Variants in ZEB1 observed in about 807,000 individuals in gnomAD.
The protein encoded by ZEB1 is zinc finger E-box binding homeobox 1, also known as zinc finger E-box-binding homeobox 1.
Under a neutral mutation model 84.9 loss-of-function variants are expected in ZEB1, and 21 were observed. That is an observed-to-expected ratio of 0.25 (90% confidence interval 0.18 to 0.36). The LOEUF is 0.36. Ranked by LOEUF, ZEB1 falls within the 10% of genes least tolerant of loss-of-function variation. The pLI is 1.00. For synonymous variants in ZEB1, 420 were observed against 471.1 expected, an observed-to-expected ratio of 0.89 and a Z score of 1.41; for missense variants, 1,104 against 1,330.2, an observed-to-expected ratio of 0.83 and a Z score of 2.65.
intron 1 of ZEB1, among the ~76,000 whole-genome samples, chr10:31,342,964 G>GT (rs1249802751): frequency 6.6e-6 from 1 of 152,212 alleles, no homozygotes; most frequent in Admixed American, 6.5e-5. Flanking sequence ...CAAAATTTTT[G>GT]TTTGTGTTTG....
chr10:31,469,897 C>A (rs2062970820), intron 2 of ZEB1, among the ~76,000 whole-genome samples: 1 of 152,182 alleles, frequency 6.6e-6, no homozygotes, highest in Non-Finnish European at 1.5e-5. Context: ...TCAAGTGGGT[C>A]CCTGACCCCT....
intron 1 of ZEB1, among the ~76,000 whole-genome samples, chr10:31,407,554 A>C (rs1312022439): frequency 6.6e-6 from 1 of 152,058 alleles, no homozygotes. Flanking sequence ...CGCAATAAAC[A>C]TACGTGTGCA....
At chr10:31,510,410 G>A (rs1215560410) in intron 4 of ZEB1, among the ~76,000 whole-genome samples, 1 of 152,096 alleles carries the variant, frequency 6.6e-6, no homozygotes, top group Non-Finnish European at 1.5e-5. Flanking sequence ...AAAAAGAATG[G>A]GACTTGAAGG....
chr10:31,326,694 T>C (rs1357343081), intron 1 of ZEB1, among the ~76,000 whole-genome samples: 1 of 152,184 alleles, frequency 6.6e-6, no homozygotes, highest in East Asian at 1.9e-4. Flanking sequence ...TCTAAGACGG[T>C]AACAAGCAAG....
chr10:31,527,288 A>G lies in ZEB1; in HGVS notation c.*24A>G. The G allele has an allele frequency of 1.3e-6, 2 of 1,578,568 alleles. No homozygotes were observed. The highest frequency in any genetic ancestry group is 8.6e-7 in the Non-Finnish European group (1 of 1,165,922). On this transcript the variant is annotated 3_prime_UTR_variant, in exon 9 of 9. Transcript: ENST00000424869. ...AATCGTTTTTCTAGAAGGAAAATAA[A>G]TTCTAATTGATAATGAATTTCGTTC... is the stretch of plus-strand genomic sequence containing the variant.
chr10:31,389,244 G>A (rs1344900629), intron 1 of ZEB1, among the ~76,000 whole-genome samples: 1 of 152,066 alleles, frequency 6.6e-6, no homozygotes, highest in African/African-American at 2.4e-5. Flanking sequence ...GTTGTTCTAT[G>A]ATTTTGATCA....
chr10:31,449,508 G>C (rs539034204), intron 1 of ZEB1, among the ~76,000 whole-genome samples: 1 of 152,018 alleles, frequency 6.6e-6, no homozygotes, highest in South Asian at 2.1e-4. Flanking sequence ...GATTTCGTGT[G>C]GGTTTCATTT....
intron 4 of ZEB1, among the ~76,000 whole-genome samples, chr10:31,503,748 A>C (rs1263256281): frequency 6.6e-6 from 1 of 151,644 alleles, no homozygotes; most frequent in African/African-American, 2.4e-5. Context: ...TTTGTCTTTA[A>C]TAGCAATACT....
At chr10:31,523,583 T>G (rs974454629) in intron 7 of ZEB1, among the ~76,000 whole-genome samples, 2 of 152,370 alleles carry the variant, frequency 1.3e-5, no homozygotes, top group African/African-American at 4.8e-5. Context: ...TTCTGCAAAT[T>G]TCTCGTAAAG....
intron 1 of ZEB1, among the ~76,000 whole-genome samples, chr10:31,326,419 G>C (rs1177522445): frequency 6.6e-6 from 1 of 152,022 alleles, no homozygotes; most frequent in African/African-American, 2.4e-5. Flanking sequence ...TGCTTTATTT[G>C]GGAGGGAGAA....
At chr10:31,495,529 G>A (rs946066603) in intron 2 of ZEB1, among the ~76,000 whole-genome samples, 1 of 151,866 alleles carries the variant, frequency 6.6e-6, no homozygotes, top group African/African-American at 2.4e-5. Flanking sequence ...AATATAATCT[G>A]TACTGAAAGT....
At chr10:31,343,094 C>G (rs1434779681) in intron 1 of ZEB1, among the ~76,000 whole-genome samples, 1 of 152,122 alleles carries the variant, frequency 6.6e-6, no homozygotes, top group Non-Finnish European at 1.5e-5. Flanking sequence ...TGCATTTATT[C>G]TCAGTTTCCT....
chr10:31,480,896 AT>A (rs1278542677), intron 2 of ZEB1, among the ~76,000 whole-genome samples: 1 of 151,908 alleles, frequency 6.6e-6, no homozygotes, highest in East Asian at 1.9e-4. Context: ...TTGGTATTGT[AT>A]TTTTCATTCT....
intron 2 of ZEB1, among the ~76,000 whole-genome samples, chr10:31,470,929 AT>A (rs2063153934): frequency 7.2e-6 from 1 of 138,306 alleles, no homozygotes; most frequent in Non-Finnish European, 1.6e-5. Flanking sequence ...AAAGAAAAGA[AT>A]TTTCAACCCA....
At chr10:31,411,525 G>A (rs1020600689) in intron 1 of ZEB1, among the ~76,000 whole-genome samples, 6 of 151,840 alleles carry the variant, frequency 4.0e-5, no homozygotes, top group South Asian at 2.1e-4. Flanking sequence ...CCAGCTACTC[G>A]GGAGGCTGAT....
intron 1 of ZEB1, chr10:31,361,255 C>G: frequency 1.3e-6 from 2 of 1,586,672 alleles, no homozygotes; most frequent in South Asian, 2.2e-5. Flanking sequence ...TGCAGTGGTG[C>G]GATCTCGGCT....
chr10:31,336,014 G>A (rs1590052631), intron 1 of ZEB1, among the ~76,000 whole-genome samples: 2 of 152,002 alleles, frequency 1.3e-5, no homozygotes, highest in East Asian at 3.8e-4. Context: ...ATCTAACAAC[G>A]TGCTCAATAT....
intron 1 of ZEB1, chr10:31,387,704 C>T (rs895323854): frequency 1.0e-6 from 1 of 969,684 alleles, no homozygotes. Context: ...GAAGCTGTAT[C>T]TTATCTTTAC....
At chr10:31,412,018 A>C (rs1451026562) in intron 1 of ZEB1, among the ~76,000 whole-genome samples, 2 of 152,162 alleles carry the variant, frequency 1.3e-5, no homozygotes, top group South Asian at 4.1e-4. Context: ...ACCACCTGAT[A>C]TAGACTAAAA....
Sources: gnomAD v4.1 joint callset for allele counts (sites outside exome capture counted in the v4.1 genomes callset) on GRCh38, gnomAD v4.1.1 for gene constraint, MANE v1.5 for transcripts, NCBI Gene and HGNC (gene_info 2026-07-23, HGNC 2026-07-21) for gene names.